ZNF723: variants seen among roughly 807,000 people sequenced by gnomAD.
The protein encoded by ZNF723 is zinc finger protein 723, pseudogene.
Under a neutral mutation model 9.4 loss-of-function variants are expected in ZNF723, and 5 were observed. The ratio of observed to expected loss-of-function variants is 0.53; its 90% CI spans 0.28 to 1.12. The LOEUF (loss-of-function observed/expected upper bound fraction) is 1.12, where lower values mean the gene tolerates loss of function less well. ZNF723 is among the 50% of genes most tolerant of loss of function. The probability of loss-of-function intolerance (pLI) is 0.10; values close to 1 mark genes in which losing one functional copy is unlikely to be tolerated. For missense variants in ZNF723, 450 were observed against 501.5 expected, an observed-to-expected ratio of 0.90 and a Z score of 0.98; for synonymous variants, 158 against 168.8, an observed-to-expected ratio of 0.94 and a Z score of 0.49.
At chr19:22,851,957 T>C (rs1303941902) in intron 3 of ZNF723, among the ~76,000 whole-genome samples, 1 of 152,074 alleles carries the variant, frequency 6.6e-6, no homozygotes, top group Non-Finnish European at 1.5e-5. Flanking sequence ...TGGCTAATTT[T>C]TTTGTATTTT....
intron 3 of ZNF723, among the ~76,000 whole-genome samples, chr19:22,855,338 C>T (rs1312251050): frequency 6.6e-6 from 1 of 151,432 alleles, no homozygotes; most frequent in African/African-American, 2.4e-5. Flanking sequence ...AAGTGATTCT[C>T]CTTCCTCAGA....
At chr19:22,845,634 A>G (rs2145218984) in intron 1 of ZNF723, among the ~76,000 whole-genome samples, 1 of 151,950 alleles carries the variant, frequency 6.6e-6, no homozygotes, top group South Asian at 2.1e-4. Context: ...GCACCTAAAG[A>G]GAGGAAAGGA....
upstream of ZNF723, among the ~76,000 whole-genome samples, chr19:22,827,604 C>T (rs1967051288): frequency 1.3e-5 from 2 of 151,976 alleles, no homozygotes; most frequent in Admixed American, 6.6e-5. Context: ...CGCATTACTG[C>T]ACATGGTTAA....
intron 3 of ZNF723, among the ~76,000 whole-genome samples, chr19:22,853,692 T>C (rs1390734153): frequency 3.9e-5 from 6 of 152,176 alleles, no homozygotes; most frequent in African/African-American, 1.4e-4. Flanking sequence ...GGCCTGATCT[T>C]GGCTCAGTGC....
At chr19:22,821,917 T>C in the ZNF723 span, among the ~76,000 whole-genome samples, 5 of 152,294 alleles carry the variant, frequency 3.3e-5, no homozygotes, top group East Asian at 9.7e-4. Flanking sequence ...AAGACCAGCC[T>C]GCCCAATATG....
At chr19:22,854,157 A>G (rs1429906760) in intron 3 of ZNF723, among the ~76,000 whole-genome samples, 1 of 94,550 alleles carries the variant, frequency 1.1e-5, no homozygotes, top group East Asian at 2.8e-4. Context: ...TGTGAGATAC[A>G]CACACACACA....
At chr19:22,840,196 G>C (rs934637969) in intron 1 of ZNF723, among the ~76,000 whole-genome samples, 2 of 151,350 alleles carry the variant, frequency 1.3e-5, no homozygotes, top group Non-Finnish European at 2.9e-5. Context: ...TTTTTGAGAC[G>C]GAGTTTCGCT....
the ZNF723 span, among the ~76,000 whole-genome samples, chr19:22,814,571 G>A: frequency 6.6e-6 from 1 of 152,172 alleles, no homozygotes; most frequent in Non-Finnish European, 1.5e-5. Context: ...AGAGATTGAG[G>A]CTTTCAAATA....
chr19:22,835,495 G>A (rs1473822812), intron 1 of ZNF723, among the ~76,000 whole-genome samples: 1 of 152,120 alleles, frequency 6.6e-6, no homozygotes, highest in Non-Finnish European at 1.5e-5. Context: ...TATTCCATTT[G>A]TTAAGAGTTC....
At chr19:22,818,905 T>TA in the ZNF723 span, among the ~76,000 whole-genome samples, 2 of 152,216 alleles carry the variant, frequency 1.3e-5, no homozygotes, top group Non-Finnish European at 2.9e-5. Flanking sequence ...TATGGTCATG[T>TA]AACCCACTTG....
chr19:22,838,506 C>G (rs931698701), intron 1 of ZNF723, among the ~76,000 whole-genome samples: 2 of 151,752 alleles, frequency 1.3e-5, no homozygotes, highest in African/African-American at 2.4e-5. Context: ...GAGCTGAGAT[C>G]TAGCCATTGC....
the ZNF723 span, among the ~76,000 whole-genome samples, chr19:22,821,131 T>G: frequency 4.8e-4 from 73 of 152,326 alleles, no homozygotes; most frequent in Non-Finnish European, 1.0e-3. Flanking sequence ...CGGTGACTCA[T>G]GTACTTGGAC....
intron 1 of ZNF723, among the ~76,000 whole-genome samples, chr19:22,834,935 C>CA (rs1306720095): frequency 2.0e-5 from 3 of 152,106 alleles, no homozygotes; most frequent in Non-Finnish European, 4.4e-5. Context: ...GGGCATAGTG[C>CA]AGTGTCTCCT....
the ZNF723 span, among the ~76,000 whole-genome samples, chr19:22,821,074 G>T: frequency 3.3e-5 from 5 of 152,194 alleles, no homozygotes; most frequent in Non-Finnish European, 5.9e-5. Context: ...GACTCAGTTT[G>T]CATTTGAAAT....
intron 1 of ZNF723, among the ~76,000 whole-genome samples, chr19:22,843,703 G>A (rs1310324355): frequency 6.6e-6 from 1 of 152,048 alleles, no homozygotes; most frequent in East Asian, 1.9e-4. Flanking sequence ...GACTTCTTAT[G>A]TCATCACCTG....
At chr19:22,856,343 A>G (rs909388993) in intron 3 of ZNF723, among the ~76,000 whole-genome samples, 1 of 151,286 alleles carries the variant, frequency 6.6e-6, no homozygotes, top group Non-Finnish European at 1.5e-5. Flanking sequence ...TGTTACCCTC[A>G]TTTTTCTGTT....
chr19:22,849,043 C>A (rs542649441), intron 2 of ZNF723, among the ~76,000 whole-genome samples, 155 bp from the exon 3 acceptor site: 111 of 152,212 alleles, frequency 7.3e-4, no homozygotes, highest in African/African-American at 2.6e-3. Flanking sequence ...GCATGAGTCA[C>A]CGCAGCCAGC....
rs1568409605 is a variant in ZNF723 at position 22,857,340 on chromosome 19, A to G, written c.449A>G (p.Tyr150Cys). The G allele has an allele frequency of 3.6e-6, 3 of 822,264 alleles. No individual in the cohort carries two copies. The highest frequency in any genetic ancestry group is 6.5e-6 in the Non-Finnish European group (3 of 461,304). 50.9% of individuals were successfully genotyped at this position (822,264 alleles called of 1,614,324 possible). A position where few individuals can be genotyped will look rare whatever the true frequency, so the allele number is the denominator to read the frequency against. Residue 150 changes from tyrosine to cysteine, a missense_variant, in exon 4 of 4, where the codon TAT becomes TGT. Around this residue, in one of 5 missense-constraint regions of ZNF723, gnomAD observed 143 missense variants for 101.3 expected, o/e 1.41. Transcript: ENST00000600766. The part of the protein sequence containing the change: ...TPSKIFQCDK[Y>C]VKVFHKFSSS... ...AGCAAAATATTTCAATGTGATAAATATGTAAAAGTCTTTCATAAATTTTCA... is the reference window on the plus strand; with the variant it reads ...AGCAAAATATTTCAATGTGATAAATGTGTAAAAGTCTTTCATAAATTTTCA...
rs545652329 is a variant in ZNF723 at position 22,834,267 on chromosome 19, G to A, written c.3+1885G>A. Among the ~76,000 whole-genome samples, 3 of 151,534 alleles carry A rather than the reference G, an allele frequency of 2.0e-5. No individual in the cohort carries two copies. The East Asian group carries it at 5.8e-4, about 29-fold the overall frequency. On this transcript the variant is annotated intron_variant, in intron 1 of 3. Transcript: ENST00000600766. ...TAATTAATCTTTTTTTTTTTACAGC[G>A]CATTGGATGGAACATTTAAAGAGAT... is the stretch of plus-strand genomic sequence containing the variant.
Sources: gnomAD v4.1 joint callset for allele counts (sites outside exome capture counted in the v4.1 genomes callset) on GRCh38, gnomAD v4.1.1 for gene constraint, gnomAD v4.1.1 regional missense constraint, MANE v1.5 for transcripts, NCBI Gene and HGNC (gene_info 2026-07-23, HGNC 2026-07-21) for gene names.